SON: variants seen among roughly 807,000 people sequenced by gnomAD.
SON encodes the protein protein SON.
Under a neutral mutation model 173.3 loss-of-function variants are expected in SON, and 4 were observed. The observed-to-expected ratio is 0.02, with a 90% CI of 0.01 to 0.05. SON has a LOEUF of 0.05. SON is among the 10% of genes least tolerant of loss of function. The pLI, the probability that SON is intolerant of heterozygous loss-of-function variation, is 1.00. For missense variants in SON, 2,626 were observed against 3,055.3 expected (o/e 0.86, Z 3.31); for synonymous variants, 1,190 against 1,105.9 (o/e 1.08, Z -1.51).
intron 6 of SON, among the ~76,000 whole-genome samples, chr21:33,562,370 T>C (rs2086085830): frequency 6.6e-6 from 1 of 152,216 alleles, no homozygotes; most frequent in Non-Finnish European, 1.5e-5. Flanking sequence ...AACTGAATAG[T>C]AATTTTTATC....
chr21:33,556,210 A>G (rs1400633536), intron 3 of SON, among the ~76,000 whole-genome samples: 3 of 152,216 alleles, frequency 2.0e-5, no homozygotes, highest in African/African-American at 7.2e-5. Context: ...TTTTATTCAC[A>G]GCAGAGGAAC....
chr21:33,557,057 A>G (rs972807804), intron 3 of SON, 99 bp from the exon 4 acceptor site: 3 of 1,063,282 alleles, frequency 2.8e-6, no homozygotes, highest in African/African-American at 1.7e-5. Context: ...TCTTCGATGG[A>G]TCTAGGATGC....
intron 6 of SON, chr21:33,560,186 C>T (rs2086045094): frequency 1.3e-6 from 2 of 1,566,052 alleles, no homozygotes; most frequent in Admixed American, 1.9e-5. Flanking sequence ...AGGTTCAACA[C>T]AAGAACTGGA....
chr21:33,550,135 C>T lies in SON; in HGVS notation c.904C>T (p.Pro302Ser). Residue 302 changes from proline to serine, a missense_variant, in exon 3 of 12, where the codon CCT becomes TCT. Physicochemically the swap from Pro to Ser is moderately conservative, Grantham distance 74. Coordinates refer to ENST00000356577, the MANE Select transcript of SON (RefSeq NM_138927.4). Reference sequence around the variant, plus strand: ...GCCCCCAGTAGCAAAAGTGTTAGAGCCTTCAGAAACCCTTGTGGTATCATC... The same window carrying T: ...GCCCCCAGTAGCAAAAGTGTTAGAGTCTTCAGAAACCCTTGTGGTATCATC... ...VEPPVAKVLEPSETLVVSSET... is the reference protein window; with the variant it reads ...VEPPVAKVLESSETLVVSSET... 5 of 1,614,198 alleles carry T rather than the reference C, an allele frequency of 3.1e-6. No individual in the cohort carries two copies. The highest frequency in any genetic ancestry group is 1.7e-5 in the Admixed American group (1 of 60,030).
chr21:33,550,149 T>C lies in SON; in HGVS notation c.918T>C (p.Leu306=). 6.2e-7 allele frequency: 1 copy of C among 1,614,180 alleles called. No homozygotes were observed. The highest frequency in any genetic ancestry group is 8.5e-7 in the Non-Finnish European group (1 of 1,180,032). The change falls in exon 3 of 12, where the codon CTT becomes CTC. Residue 306 remains leucine, a synonymous_variant. Coordinates refer to ENST00000356577, the MANE Select transcript of SON (RefSeq NM_138927.4). ...VAKVLEPSET[L]VVSSETPTEV... ...AAGTGTTAGAGCCTTCAGAAACCCT[T>C]GTGGTATCATCAGAGACACCTACTG...
chr21:33,552,079 A>C lies in SON; in HGVS notation c.2848A>C (p.Arg950=). ...TTACAGGTTAGGACAAGACCCTTAT[A>C]GATTAGGCCATGATCCCTACAGACT... ...DAYRLGQDPY[R]LGHDPYRLTP... is the part of the protein sequence containing the mutation. The change falls in exon 3 of 12, where the codon AGA becomes CGA. Residue 950 remains arginine, a synonymous_variant. Transcript: ENST00000356577. The surrounding 1 kb of genome is among the most constrained non-coding windows in gnomAD (Gnocchi z 5.6). 1 of 1,614,090 alleles carries C rather than the reference A, an allele frequency of 6.2e-7. No individual in the cohort carries two copies. Among genetic ancestry groups the C allele is most frequent in the Non-Finnish European group, 8.5e-7 (1 of 1,179,998 alleles).
chr21:33,563,468 T>C (rs1460508111), intron 6 of SON, among the ~76,000 whole-genome samples: 7 of 141,048 alleles, frequency 5.0e-5, no homozygotes, highest in African/African-American at 9.9e-5. Context: ...TGCTTTTACC[T>C]TAGGTCTATT....
intron 8 of SON, chr21:33,570,289 C>T (rs1479671911): frequency 2.0e-5 from 3 of 152,092 alleles, no homozygotes; most frequent in Non-Finnish European, 1.5e-5. Flanking sequence ...GCTATGAGTG[C>T]CAGTGAATGA....
At position 33,554,297 on chromosome 21, in the gene SON, A is replaced by G. The variant is rs2085901912; in HGVS notation, c.5066A>G (p.Asp1689Gly). 6.2e-7 allele frequency: 1 copy of G among 1,614,056 alleles called. No homozygotes were observed. Among genetic ancestry groups the G allele is most frequent in the South Asian group, 1.1e-5 (1 of 91,090 alleles). ...TEEPLPVKES[D>G]QTLAALLSPK... ...GAACCATTACCTGTAAAAGAGAGTG[A>G]CCAGACATTAGCAGCTCTGCTCAGC... Residue 1689 changes from aspartate (D) to glycine (G), a missense_variant, in exon 3 of 12, where the codon GAC becomes GGC. Transcript: ENST00000356577.
chr21:33,573,108 C>A, intron 8 of SON, 200 bp from the exon 9 acceptor site: 1 of 434,052 alleles, frequency 2.3e-6, no homozygotes. Context: ...TATTTGACTT[C>A]CAAAATACTA....
In SON at chr21:33,553,166, T is replaced by A; in HGVS notation, c.3935T>A (p.Phe1312Tyr). The change falls in exon 3 of 12, where the codon TTT becomes TAT. Residue 1312 changes from phenylalanine (F) to tyrosine (Y), a missense_variant. Phe to Tyr is a conservative substitution (Grantham distance 22). Coordinates refer to ENST00000356577, the MANE Select transcript of SON (RefSeq NM_138927.4). ...GTTATGTCAGAGACAGCAGAAACAT[T>A]TGATTCCATGAGAGCCTCAGGACAT... ...PPVMSETAETFDSMRASGHVA... is the reference protein window; with the variant it reads ...PPVMSETAETYDSMRASGHVA... 6.2e-7 allele frequency: 1 copy of A among 1,614,132 alleles called. No individual in the cohort carries two copies. The highest frequency in any genetic ancestry group is 8.5e-7 in the Non-Finnish European group (1 of 1,180,026).
chr21:33,554,518 C>T lies in SON; in HGVS notation c.5287C>T (p.Arg1763Cys), dbSNP rs199717154. ...ACCTTTACTTGCAAGTGATGTTGGA[C>T]GTGACAGATCTGCTGCCAGCCCGGT... ...EGPLLASDVG[R>C]DRSAASPVVS... Residue 1763 changes from arginine to cysteine, a missense_variant, in exon 3 of 12, where the codon CGT (arginine) becomes TGT (cysteine). This residue lies in a region of SON where 1,006 missense variants were observed against 895.6 expected (regional missense o/e 1.12). Transcript: ENST00000356577. The T allele has an allele frequency of 4.2e-5, 68 of 1,613,948 alleles. No homozygotes were observed. The highest frequency in any genetic ancestry group is 1.5e-4 in the Admixed American group (9 of 60,004).
intron 1 of SON, 122 bp from the exon 2 acceptor site, chr21:33,546,091 A>G (rs2085607010): frequency 3.5e-5 from 27 of 780,524 alleles, no homozygotes; most frequent in Non-Finnish European, 4.7e-5. Flanking sequence ...GTGAATATCT[A>G]AAATAGGAAA....
intron 1 of SON, 183 bp downstream of exon 1, chr21:33,543,352 C>G (rs982412975): frequency 1.6e-6 from 1 of 611,340 alleles, no homozygotes; most frequent in Admixed American, 2.9e-5. Context: ...CCTTCCTTTT[C>G]CCTCGAGGAA....
Position 33,549,593 on chromosome 21 carries a change from AGAAG to A in SON, c.363_366del (p.Glu124ArgfsTer24). 1 of 1,589,430 alleles carries A rather than the reference AGAAG, an allele frequency of 6.3e-7. No homozygotes were observed. On this transcript the variant is annotated frameshift_variant, in exon 3 of 12. Transcript: ENST00000356577. LOFTEE classifies it high-confidence loss of function. Reference sequence around the variant, plus strand: ...AAGCACAAAAACAAAAAGAAGAAAAAGAAGAAAGAAAAGGAAAAAAAATATAAAA... The same window carrying A: ...AAGCACAAAAACAAAAAGAAGAAAAAAAAGAAAAGGAAAAAAAATATAAAA...
rs1005730844 is a variant in SON, at chr21:33,543,085, C to G, written c.-8C>G. 1 of 1,613,568 alleles carries G rather than the reference C, an allele frequency of 6.2e-7. No individual in the cohort carries two copies. Among genetic ancestry groups the G allele is most frequent in the Non-Finnish European group, 8.5e-7 (1 of 1,179,536 alleles). ...GCGAGGAGGAGTTGAGAGAACGGAG[C>G]GGACGCCATGGCGACCAACATCGAG... On this transcript the variant is annotated 5_prime_UTR_variant, in exon 1 of 12. Transcript: ENST00000356577.
intron 1 of SON, 130 bp from the exon 2 acceptor site, chr21:33,546,083 G>A (rs2085606617): frequency 7.3e-6 from 5 of 683,012 alleles, no homozygotes; most frequent in Non-Finnish European, 1.2e-5. Context: ...TATTAGTGGT[G>A]AATATCTAAA....
At position 33,550,694 on chromosome 21, in the gene SON, C is replaced by T; in HGVS notation, c.1463C>T (p.Ala488Val). 1 of 1,614,016 alleles carries T rather than the reference C, an allele frequency of 6.2e-7. No homozygotes were observed. Among genetic ancestry groups the T allele is most frequent in the Non-Finnish European group, 8.5e-7 (1 of 1,179,960 alleles). Residue 488 changes from alanine to valine, a missense_variant, in exon 3 of 12, where the codon GCA becomes GTA. Physicochemically the swap from Ala to Val is moderately conservative, Grantham distance 64. Transcript: ENST00000356577. ...ELPGLPLVTA[A>V]VELPEQPAVT... ...CCAGGGCTGCCTTTGGTGACAGCAG[C>T]AGTAGAGTTGCCAGAGCAGCCTGCG... is the stretch of plus-strand genomic sequence containing the variant.
At chr21:33,545,752 C>T (rs2085599460) in intron 1 of SON, among the ~76,000 whole-genome samples, 1 of 152,150 alleles carries the variant, frequency 6.6e-6, no homozygotes, top group Non-Finnish European at 1.5e-5. Context: ...TTCAGTGTGC[C>T]TGTGGCTAAC....
Sources: allele counts gnomAD v4.1 joint callset (sites outside exome capture counted in the v4.1 genomes callset), GRCh38; gene constraint gnomAD v4.1.1; regional missense constraint gnomAD v4.1.1; non-coding constraint Gnocchi (gnomAD v3.1); transcripts MANE v1.5; gene names NCBI Gene and HGNC (gene_info 2026-07-23, HGNC 2026-07-21).